Variants in MAN1A2 observed in about 807,000 individuals in gnomAD.
The protein encoded by MAN1A2 is mannosyl-oligosaccharide 1,2-alpha-mannosidase IB.
In MAN1A2, 26 loss-of-function variants were observed where a neutral mutation model predicts 75.7. That is an observed-to-expected ratio of 0.34 (90% CI 0.25 to 0.48). MAN1A2 has a LOEUF of 0.48. Ranked by LOEUF, MAN1A2 falls within the 20% of genes least tolerant of loss-of-function variation. The pLI is 0.99. For synonymous variants in MAN1A2, 247 were observed against 264.6 expected (o/e 0.93, Z 0.65); for missense variants, 562 against 775.5 (o/e 0.72, Z 3.27).
intron 5 of MAN1A2, among the ~76,000 whole-genome samples, chr1:117,431,206 G>T (rs1376066301): frequency 4.1e-4 from 9 of 22,124 alleles, no homozygotes; most frequent in Non-Finnish European, 7.0e-4. Flanking sequence ...GGAGGGGGAG[G>T]GGGAGGGGGA....
chr1:117,424,427 T>C (rs1255509574), intron 5 of MAN1A2, among the ~76,000 whole-genome samples: 1 of 152,220 alleles, frequency 6.6e-6, no homozygotes, highest in Non-Finnish European at 1.5e-5. Context: ...ATTATTTCTG[T>C]TGGTCTGCTC....
At chr1:117,442,740 T>C (rs1649079151) in intron 6 of MAN1A2, among the ~76,000 whole-genome samples, 1 of 152,282 alleles carries the variant, frequency 6.6e-6, no homozygotes, top group African/African-American at 2.4e-5. Context: ...ATAATATACC[T>C]AGAAATGAGG....
At chr1:117,488,661 G>T (rs886403873) in intron 8 of MAN1A2, among the ~76,000 whole-genome samples, 1 of 152,008 alleles carries the variant, frequency 6.6e-6, no homozygotes, top group Admixed American at 6.6e-5. Context: ...TTGTGGCTTT[G>T]TTGGTATATA....
At position 117,523,215 on chromosome 1, in the gene MAN1A2, A is replaced by C; in HGVS notation, c.*258A>C. 1.6e-6 allele frequency: 1 copy of C among 609,802 alleles called. No individual in the cohort carries two copies. The highest frequency in any genetic ancestry group is 1.8e-5 in the African/African-American group (1 of 54,814). 37.8% of individuals were successfully genotyped at this position (609,802 alleles called of 1,614,324 possible). ...TGATCGTTAATGAGGTGGTCACATG[A>C]GAAATGATACCTGTTACTACTGTAT... is the stretch of plus-strand genomic sequence containing the variant. On this transcript the variant is annotated 3_prime_UTR_variant, in exon 13 of 13. Coordinates refer to ENST00000356554, the MANE Select transcript of MAN1A2 (RefSeq NM_006699.5).
intron 1 of MAN1A2, among the ~76,000 whole-genome samples, chr1:117,392,601 C>T (rs1013082336): frequency 2.0e-5 from 3 of 152,126 alleles, no homozygotes; most frequent in Non-Finnish European, 4.4e-5. Context: ...TTTCACATTT[C>T]GTAAATTTTA....
chr1:117,476,613 G>A (rs1320834467), intron 8 of MAN1A2, among the ~76,000 whole-genome samples: 1 of 152,000 alleles, frequency 6.6e-6, no homozygotes, highest in African/African-American at 2.4e-5. Context: ...ATTAAATGGG[G>A]AATCCTTTCC....
At chr1:117,426,386 TTTAA>T (rs1648373888) in intron 5 of MAN1A2, among the ~76,000 whole-genome samples, 1 of 152,292 alleles carries the variant, frequency 6.6e-6, no homozygotes, top group South Asian at 2.1e-4. Flanking sequence ...GGTTGATATC[TTTAA>T]TTATTTTCTA....
At chr1:117,382,912 A>C (rs1653399818) in intron 1 of MAN1A2, among the ~76,000 whole-genome samples, 1 of 152,172 alleles carries the variant, frequency 6.6e-6, no homozygotes, top group Non-Finnish European at 1.5e-5. Flanking sequence ...TTGACTTATT[A>C]GCTCTATTAA....
intron 8 of MAN1A2, among the ~76,000 whole-genome samples, chr1:117,481,216 C>T (rs1052496480): frequency 1.3e-5 from 2 of 151,790 alleles, no homozygotes; most frequent in African/African-American, 4.8e-5. Flanking sequence ...GTTCCTTTCT[C>T]ATAGCCAGTA....
chr1:117,420,555 T>A lies in MAN1A2; in HGVS notation c.775-14T>A. ...ATTACGTATTTGTGAATGTTTTCAA[T>A]ATGTTTTTCACAGAATTCAGAGGTG... On this transcript the variant is annotated splice_polypyrimidine_tract_variant and intron_variant, in intron 4 of 12. Coordinates refer to ENST00000356554, the MANE Select transcript of MAN1A2 (RefSeq NM_006699.5). 6.3e-7 allele frequency: 1 copy of A among 1,583,654 alleles called. No individual in the cohort carries two copies. The highest frequency in any genetic ancestry group is 8.7e-7 in the Non-Finnish European group (1 of 1,153,046).
chr1:117,378,872 T>C (rs897905874), intron 1 of MAN1A2, among the ~76,000 whole-genome samples: 2 of 149,494 alleles, frequency 1.3e-5, no homozygotes, highest in Non-Finnish European at 1.5e-5. Flanking sequence ...CAGTTTTCTT[T>C]TGGGTTGTTG....
chr1:117,373,546 C>T (rs1653042284), intron 1 of MAN1A2, among the ~76,000 whole-genome samples: 1 of 144,262 alleles, frequency 6.9e-6, no homozygotes, highest in South Asian at 2.3e-4. Flanking sequence ...GGCACAATTA[C>T]AGTTCACTAT....
intron 5 of MAN1A2, among the ~76,000 whole-genome samples, chr1:117,431,012 G>A (rs944647339): frequency 1.8e-4 from 23 of 130,720 alleles, no homozygotes; most frequent in African/African-American, 4.9e-4. Flanking sequence ...GCTGGAGACC[G>A]GCCCGGCCAA....
At chr1:117,414,629 G>A in intron 3 of MAN1A2, 84 bp from the exon 4 acceptor site, 2 of 706,090 alleles carry the variant, frequency 2.8e-6, no homozygotes, top group Non-Finnish European at 5.1e-6. Context: ...CACTGAATGT[G>A]AAGGGAATCT....
At chr1:117,368,551 T>A (rs975435963) in intron 1 of MAN1A2, 66 bp downstream of exon 1, 1 of 1,399,440 alleles carries the variant, frequency 7.1e-7, no homozygotes, top group African/African-American at 1.4e-5. Flanking sequence ...TTGGATCGAA[T>A]CTGTCTTTTT....
chr1:117,426,265 T>G (rs1050872533), intron 5 of MAN1A2, among the ~76,000 whole-genome samples: 1 of 152,108 alleles, frequency 6.6e-6, no homozygotes, highest in East Asian at 1.9e-4. Context: ...TATTTTGTTT[T>G]GTATGAAGAG....
Position 117,524,448 on chromosome 1 carries a change from T to G in MAN1A2, c.*1491T>G, listed in dbSNP as rs1304539312. On this transcript the variant is annotated 3_prime_UTR_variant, in exon 13 of 13. Coordinates refer to ENST00000356554, the MANE Select transcript of MAN1A2 (RefSeq NM_006699.5). ...CATCTTCCATTGACATTAATAAAAC[T>G]TAGAAACAGTATAATTAGTATAACA... The G allele has an allele frequency of 6.6e-6, 1 of 151,746 alleles. No homozygotes were observed. The highest frequency in any genetic ancestry group is 2.4e-5 in the African/African-American group (1 of 41,392). The allele number at this position is 151,746 out of a possible 1,614,324, so 9.4% of individuals were successfully genotyped here. A position where few individuals can be genotyped will look rare whatever the true frequency, so the allele number is the denominator to read the frequency against.
At chr1:117,376,666 A>G (rs1170941409) in intron 1 of MAN1A2, among the ~76,000 whole-genome samples, 1 of 152,236 alleles carries the variant, frequency 6.6e-6, no homozygotes, top group Non-Finnish European at 1.5e-5. Context: ...AAGAATTCCT[A>G]ACATTGTGTG....
intron 5 of MAN1A2, among the ~76,000 whole-genome samples, chr1:117,424,657 C>T (rs1487519926): frequency 6.6e-6 from 1 of 152,210 alleles, no homozygotes; most frequent in South Asian, 2.1e-4. Flanking sequence ...ATGCGTTTCA[C>T]TCCTCTGCCT....
Sources: gnomAD v4.1 joint callset for allele counts (sites outside exome capture counted in the v4.1 genomes callset) on GRCh38, gnomAD v4.1.1 for gene constraint, MANE v1.5 for transcripts, NCBI Gene and HGNC (gene_info 2026-07-23, HGNC 2026-07-21) for gene names.